The following LINGO4 variants were observed in gnomAD, a reference collection of about 807,000 sequenced individuals.
The protein encoded by LINGO4 is leucine-rich repeat and immunoglobulin-like domain-containing nogo receptor-interacting protein 4.
In LINGO4, 22 loss-of-function variants were observed where a neutral mutation model predicts 27.9. The observed-to-expected ratio is 0.79, with a 90% CI of 0.56 to 1.13. The LOEUF (loss-of-function observed/expected upper bound fraction) is 1.13, where lower values mean the gene tolerates loss of function less well. Ranked by LOEUF, LINGO4 falls within the 50% of genes most tolerant of loss-of-function variation. LINGO4 has a pLI of 0.00. For missense variants in LINGO4, 706 were observed against 739.4 expected, an observed-to-expected ratio of 0.95 and a Z score of 0.52; for synonymous variants, 306 against 325.8, an observed-to-expected ratio of 0.94 and a Z score of 0.65.
At position 151,801,874 on chromosome 1, in the gene LINGO4, G is replaced by T. The variant is rs777788414; in HGVS notation, c.831C>A (p.Phe277Leu). Residue 277 changes from phenylalanine to leucine, a missense_variant, in exon 2 of 2, where the codon TTC becomes TTA. Phe to Leu is a conservative substitution (Grantham distance 22, BLOSUM62 0). Coordinates refer to ENST00000368820, the MANE Select transcript of LINGO4 (RefSeq NM_001004432.4). This position sits in a 1 kb window ranked among gnomAD's most constrained non-coding sequence, Gnocchi z 5.7. Reference sequence around the variant, plus strand: ...TCTGGGACAGATCCAGGACCCTGAGGAAGCTGAGGTGGTACAGTGCTTGGA... The same window carrying T: ...TCTGGGACAGATCCAGGACCCTGAGTAAGCTGAGGTGGTACAGTGCTTGGA... Reference protein sequence around the residue: ...VPFQALYHLSFLRVLDLSQNP... With the variant: ...VPFQALYHLSLLRVLDLSQNP... 3 of 1,614,228 alleles carry T rather than the reference G, an allele frequency of 1.9e-6. No individual in the cohort carries two copies. The highest frequency in any genetic ancestry group is 1.7e-6 in the Non-Finnish European group (2 of 1,180,034).
intron 1 of LINGO4, among the ~76,000 whole-genome samples, chr1:151,803,525 G>A (rs888596171): frequency 1.3e-5 from 2 of 152,246 alleles, no homozygotes; most frequent in Non-Finnish European, 2.9e-5. Context: ...CCCAAAGGAT[G>A]CCCAGGTTTT....
chr1:151,802,296 G>A lies in LINGO4; in HGVS notation c.409C>T (p.Leu137=). Residue 137 remains leucine (L), a synonymous_variant, in exon 2 of 2, where the codon CTG becomes TTG. Transcript: ENST00000368820. ...VFSGLSALTL[L]DLRLNQIVLF... is the part of the protein sequence containing the mutation. ...ACAATCTGGTTGAGGCGGAGGTCCA[G>A]CAGGGTCAGAGCAGAGAGGCCTGAG... 6.2e-7 allele frequency: 1 copy of A among 1,614,222 alleles called. No individual in the cohort carries two copies. Among genetic ancestry groups the A allele is most frequent in the Non-Finnish European group, 8.5e-7 (1 of 1,180,042 alleles).
In LINGO4 at chr1:151,802,593, T is replaced by C; in HGVS notation, c.112A>G (p.Thr38Ala). ...GGSCPAVCDCTSQPQAVLCGH... is the reference protein window; with the variant it reads ...GGSCPAVCDCASQPQAVLCGH... ...CAGAGCACAGCCTGGGGCTGGGAGG[T>C]GCAGTCACACACAGCAGGGCAGCTG... The change falls in exon 2 of 2, where the codon ACC becomes GCC. Residue 38 changes from threonine to alanine, a missense_variant. Coordinates refer to ENST00000368820, the MANE Select transcript of LINGO4 (RefSeq NM_001004432.4). 6.2e-7 allele frequency: 1 copy of C among 1,600,312 alleles called. No homozygotes were observed. Among genetic ancestry groups the C allele is most frequent in the Non-Finnish European group, 8.5e-7 (1 of 1,173,254 alleles).
chr1:151,801,241 A>T lies in LINGO4; in HGVS notation c.1464T>A (p.Asn488Lys), dbSNP rs754441682. ...TCCTCAGGGAGTCATTCCCAGCGAC[A>T]TTGCTAACCACACAGACATAGGCCC... The part of the protein sequence containing the change: ...DRGAYVCVVS[N>K]VAGNDSLRTW... Residue 488 changes from asparagine (N) to lysine (K), a missense_variant, in exon 2 of 2, where the codon AAT (asparagine) becomes AAA (lysine). By Grantham distance (94) the Asn-to-Lys change is moderately conservative. Coordinates refer to ENST00000368820, the MANE Select transcript of LINGO4 (RefSeq NM_001004432.4). The surrounding 1 kb of genome is among the most constrained non-coding windows in gnomAD (Gnocchi z 5.7). The T allele has an allele frequency of 1.9e-6, 3 of 1,614,206 alleles. No homozygotes were observed. The South Asian group carries it at 3.3e-5, about 18-fold the overall frequency.
intron 1 of LINGO4, among the ~76,000 whole-genome samples, chr1:151,804,180 T>G (rs1252900996): frequency 6.6e-6 from 1 of 152,188 alleles, no homozygotes; most frequent in African/African-American, 2.4e-5. Flanking sequence ...TGGTCATTTC[T>G]TCCCCTTTCC....
At chr1:151,804,147 C>T (rs1244577304) in intron 1 of LINGO4, among the ~76,000 whole-genome samples, 1 of 152,094 alleles carries the variant, frequency 6.6e-6, no homozygotes, top group African/African-American at 2.4e-5. Context: ...TCATGTGGAA[C>T]TTAGGAGAGG....
In LINGO4 at chr1:151,801,595, G is replaced by A. The variant is rs1235641903; in HGVS notation, c.1110C>T (p.Leu370=). The A allele has an allele frequency of 1.1e-5, 17 of 1,613,688 alleles. No individual in the cohort carries two copies. The South Asian group carries it at 1.4e-4, about 14-fold the overall frequency. ...LTCDCRLLWL[L]RLRRHLDFGM... is the part of the protein sequence containing the mutation. ...CAAAGTCCAGGTGGCGGCGGAGCCGGAGCAGCCAGAGGAGGCGGCAGTCAC... is the reference window on the plus strand; with the variant it reads ...CAAAGTCCAGGTGGCGGCGGAGCCGAAGCAGCCAGAGGAGGCGGCAGTCAC... Residue 370 remains leucine, a synonymous_variant, in exon 2 of 2, where the codon CTC becomes CTT. Coordinates refer to ENST00000368820, the MANE Select transcript of LINGO4 (RefSeq NM_001004432.4). The surrounding 1 kb of genome is among the most constrained non-coding windows in gnomAD (Gnocchi z 5.7).
Position 151,801,764 on chromosome 1 carries a change from G to A in LINGO4, c.941C>T (p.Ser314Phe), listed in dbSNP as rs769920867. The change falls in exon 2 of 2, where the codon TCC becomes TTC. Residue 314 changes from serine (S) to phenylalanine (F), a missense_variant. By Grantham distance (155) the Ser-to-Phe change is radical. Transcript: ENST00000368820. The surrounding 1 kb of genome is among the most constrained non-coding windows in gnomAD (Gnocchi z 5.7). ...ELRLSGACLT[S>F]IAAHAFHGLT... ...GCCATGGAAGGCATGGGCAGCAATG[G>A]AGGTGAGGCATGCCCCTGACAGGCG... 27 of 1,614,116 alleles carry A rather than the reference G, an allele frequency of 1.7e-5. No individual in the cohort carries two copies. In the Admixed American group the frequency reaches 3.7e-4, roughly 22 times the overall value.
chr1:151,804,008 T>C (rs766072469), intron 1 of LINGO4, among the ~76,000 whole-genome samples: 8 of 152,114 alleles, frequency 5.3e-5, no homozygotes, highest in South Asian at 4.1e-4. Flanking sequence ...CAAAAGCCCA[T>C]GGATGCTCTC....
chr1:151,801,329 C>T lies in LINGO4; in HGVS notation c.1376G>A (p.Gly459Glu). The T allele has an allele frequency of 6.2e-7, 1 of 1,612,656 alleles. No individual in the cohort carries two copies. The highest frequency in any genetic ancestry group is 1.7e-5 in the Admixed American group (1 of 59,998). The change falls in exon 2 of 2, where the codon GGG becomes GAG. Residue 459 changes from glycine to glutamate, a missense_variant. Gly to Glu is a moderately conservative substitution (Grantham distance 98). Transcript: ENST00000368820. This position sits in a 1 kb window ranked among gnomAD's most constrained non-coding sequence, Gnocchi z 5.7. ...CCCATCCTCTAGGACCCTTACTCTCCCAGCCCTGCCCAGCCAAGCCCCATG... is the reference window on the plus strand; with the variant it reads ...CCCATCCTCTAGGACCCTTACTCTCTCAGCCCTGCCCAGCCAAGCCCCATG... ...RPHGAWLGRA[G>E]RVRVLEDGTL...
Position 151,802,031 on chromosome 1 carries a change from C to A in LINGO4, c.674G>T (p.Arg225Leu), listed in dbSNP as rs140185469. 1.9e-6 allele frequency: 3 copies of A among 1,614,152 alleles called. No individual in the cohort carries two copies. Among genetic ancestry groups the A allele is most frequent in the Non-Finnish European group, 1.7e-6 (2 of 1,180,026 alleles). Residue 225 changes from arginine (R) to leucine (L), a missense_variant, in exon 2 of 2, where the codon CGG becomes CTG. Coordinates refer to ENST00000368820, the MANE Select transcript of LINGO4 (RefSeq NM_001004432.4). ...DIGRLPAGAL[R>L]GLGQLKELEI... Reference sequence around the variant, plus strand: ...CAGCTCCTTGAGCTGCCCCAGCCCCCGCAGGGCCCCAGCTGGCAGCCTCCC... The same window carrying A: ...CAGCTCCTTGAGCTGCCCCAGCCCCAGCAGGGCCCCAGCTGGCAGCCTCCC...
chr1:151,800,972 G>A lies in LINGO4; in HGVS notation c.1733C>T (p.Ser578Phe). The change falls in exon 2 of 2, where the codon TCT becomes TTT. Residue 578 changes from serine to phenylalanine, a missense_variant. Coordinates refer to ENST00000368820, the MANE Select transcript of LINGO4 (RefSeq NM_001004432.4). ...GTTACCCCCAGAGTTTTTATCCCCA[G>A]AGGGCCGAGGTGCCACAAAGTCAAA... ...MTFDFVAPRP[S>F]GDKNSGGNRV... The A allele has an allele frequency of 6.2e-7, 1 of 1,613,818 alleles. No individual in the cohort carries two copies. Among genetic ancestry groups the A allele is most frequent in the Non-Finnish European group, 8.5e-7 (1 of 1,179,790 alleles).
Position 151,801,777 on chromosome 1 carries a change from C to G in LINGO4, c.928G>C (p.Ala310Pro), listed in dbSNP as rs774015389. 6.2e-7 allele frequency: 1 copy of G among 1,614,218 alleles called. No individual in the cohort carries two copies. The highest frequency in any genetic ancestry group is 1.7e-5 in the Admixed American group (1 of 60,028). Residue 310 changes from alanine (A) to proline (P), a missense_variant, in exon 2 of 2, where the codon GCA becomes CCA. Ala to Pro is a conservative substitution (Grantham distance 27). Coordinates refer to ENST00000368820, the MANE Select transcript of LINGO4 (RefSeq NM_001004432.4). The surrounding 1 kb of genome is among the most constrained non-coding windows in gnomAD (Gnocchi z 5.7). ...VRLQELRLSG[A>P]CLTSIAAHAF... Reference sequence around the variant, plus strand: ...TGGGCAGCAATGGAGGTGAGGCATGCCCCTGACAGGCGTAGCTCCTGGAGC... The same window carrying G: ...TGGGCAGCAATGGAGGTGAGGCATGGCCCTGACAGGCGTAGCTCCTGGAGC...
Position 151,802,698 on chromosome 1 carries a change from C to T in LINGO4, c.7G>A (p.Ala3Thr). MDAATAPKQAWPP... is the reference protein window; with the variant it reads MDTATAPKQAWPP... Reference sequence around the variant, plus strand: ...CAGGCTTGCTTTGGAGCTGTGGCTGCATCCATTCCCTCTTCAGTCCTGGAA... The same window carrying T: ...CAGGCTTGCTTTGGAGCTGTGGCTGTATCCATTCCCTCTTCAGTCCTGGAA... Residue 3 changes from alanine (A) to threonine (T), a missense_variant, in exon 2 of 2, where the codon GCA (alanine) becomes ACA (threonine). Ala to Thr is a moderately conservative substitution (Grantham distance 58). Transcript: ENST00000368820. 1 of 1,503,566 alleles carries T rather than the reference C, an allele frequency of 6.7e-7. No individual in the cohort carries two copies. The highest frequency in any genetic ancestry group is 8.8e-7 in the Non-Finnish European group (1 of 1,130,438). 93.1% of individuals were successfully genotyped at this position (1,503,566 alleles called of 1,614,324 possible). A position where few individuals can be genotyped will look rare whatever the true frequency, so the allele number is the denominator to read the frequency against.
chr1:151,801,702 C>A lies in LINGO4; in HGVS notation c.1003G>T (p.Ala335Ser). ...GCTGTTTCCTCTAGTGTCTGAAGGG[C>A]GTTATCTGCCACATCCAGGAGGTGG... ...AFHLLDVADN[A>S]LQTLEETAFP... Residue 335 changes from alanine (A) to serine (S), a missense_variant, in exon 2 of 2, where the codon GCC (alanine) becomes TCC (serine). Physicochemically the swap from Ala to Ser is moderately conservative, Grantham distance 99 (BLOSUM62 1). Transcript: ENST00000368820. The surrounding 1 kb of genome is among the most constrained non-coding windows in gnomAD (Gnocchi z 5.7). The A allele has an allele frequency of 6.2e-7, 1 of 1,614,194 alleles. No individual in the cohort carries two copies.
chr1:151,804,840 G>A (rs781479435), intron 1 of LINGO4, among the ~76,000 whole-genome samples: 10 of 152,140 alleles, frequency 6.6e-5, no homozygotes, highest in Non-Finnish European at 1.2e-4. Flanking sequence ...TTGTCTTTAT[G>A]TGGCAGTCCA....
rs752085237 is a variant in LINGO4, at chr1:151,802,661, G to A, written c.44C>T (p.Pro15Leu). Reference sequence around the variant, plus strand: ...TAGGAGGAGGAGGAAAAGGAGCGGGGGCCATGGGGGCCAGGCTTGCTTTGG... The same window carrying A: ...TAGGAGGAGGAGGAAAAGGAGCGGGAGCCATGGGGGCCAGGCTTGCTTTGG... ...TAPKQAWPPW[P>L]PLLFLLLLPG... Residue 15 changes from proline to leucine, a missense_variant, in exon 2 of 2, where the codon CCC (proline) becomes CTC (leucine). Pro to Leu is a moderately conservative substitution (Grantham distance 98, BLOSUM62 -3). Transcript: ENST00000368820. The A allele has an allele frequency of 4.5e-6, 7 of 1,545,476 alleles. No homozygotes were observed. In the South Asian group the frequency reaches 5.1e-5, roughly 11 times the overall value.
chr1:151,803,178 A>G (rs1005802102), intron 1 of LINGO4, among the ~76,000 whole-genome samples: 1 of 152,074 alleles, frequency 6.6e-6, no homozygotes, highest in Non-Finnish European at 1.5e-5. Flanking sequence ...TTATGTACCC[A>G]TAGTTTTGCT....
In LINGO4 at chr1:151,801,555, CA is replaced by C. The variant is rs773365756; in HGVS notation, c.1149del (p.Ala384ProfsTer13). ...RRHLDFGMSP[P>X]ACAGPHHVQG... ...TGGACATGATGGGGGCCAGCACAGG[CA>C]GGGGGGGACATGCCAAAGTCCAGGT... is the stretch of plus-strand genomic sequence containing the variant. On this transcript the variant is annotated frameshift_variant, in exon 2 of 2. Transcript: ENST00000368820. LOFTEE classifies it high-confidence loss of function. The surrounding 1 kb of genome is among the most constrained non-coding windows in gnomAD (Gnocchi z 5.7). The C allele has an allele frequency of 1.9e-5, 30 of 1,613,750 alleles. No homozygotes were observed. Among genetic ancestry groups the C allele is most frequent in the Middle Eastern group, 3.3e-4 (2 of 6,060 alleles).
Sources: gnomAD v4.1 joint callset for allele counts (sites outside exome capture counted in the v4.1 genomes callset) on GRCh38, gnomAD v4.1.1 for gene constraint, Gnocchi (gnomAD v3.1) non-coding constraint, MANE v1.5 for transcripts, NCBI Gene and HGNC (gene_info 2026-07-23, HGNC 2026-07-21) for gene names.